The following EPHA3 variants were observed in gnomAD, a reference collection of about 807,000 sequenced individuals.
EPHA3 encodes the protein EPH receptor A3.
Under a neutral mutation model 107.1 loss-of-function variants are expected in EPHA3, and 42 were observed. That is an observed-to-expected ratio of 0.39 (90% CI 0.31 to 0.51). The LOEUF (loss-of-function observed/expected upper bound fraction) is 0.51, where lower values mean the gene tolerates loss of function less well. Ranked by LOEUF, EPHA3 falls within the 20% of genes least tolerant of loss-of-function variation. The probability of loss-of-function intolerance (pLI) is 0.78; values close to 1 mark genes in which losing one functional copy is unlikely to be tolerated. For synonymous variants in EPHA3, 461 were observed against 424.8 expected, an observed-to-expected ratio of 1.09 and a Z score of -1.05; for missense variants, 1,183 against 1,211.2, an observed-to-expected ratio of 0.98 and a Z score of 0.35.
chr3:89,472,117 G>C (rs533354169), intron 15 of EPHA3, among the ~76,000 whole-genome samples: 158 of 152,278 alleles, frequency 1.0e-3, no homozygotes, highest in Non-Finnish European at 2.0e-3. Flanking sequence ...AATTCAGTGT[G>C]TCCTGCCTAC....
Position 89,431,232 on chromosome 3 carries a change from T to A in EPHA3, c.2219T>A (p.Met740Lys). Residue 740 changes from methionine to lysine, a missense_variant, in exon 13 of 17, where the codon ATG (methionine) becomes AAG (lysine). Coordinates refer to ENST00000336596, the MANE Select transcript of EPHA3 (RefSeq NM_005233.6). ...TCTGGCATGAAGTACCTGTCAGACA[T>A]GGGCTATGTTCACCGAGACCTCGCT... ...IASGMKYLSD[M>K]GYVHRDLAAR... The A allele has an allele frequency of 6.2e-7, 1 of 1,613,946 alleles. No homozygotes were observed. Among genetic ancestry groups the A allele is most frequent in the Non-Finnish European group, 8.5e-7 (1 of 1,179,956 alleles).
At chr3:89,307,689 C>G (rs1463339291) in intron 3 of EPHA3, among the ~76,000 whole-genome samples, 9 of 152,056 alleles carry the variant, frequency 5.9e-5, no homozygotes, top group Admixed American at 3.9e-4. Context: ...GTAGCTGGGA[C>G]AGCAGGCATG....
Position 89,176,116 on chromosome 3 carries a change from C to T in EPHA3, c.154-33744C>T, listed in dbSNP as rs537834066. Among the ~76,000 whole-genome samples, 63 of 152,042 alleles carry T rather than the reference C, an allele frequency of 4.1e-4. 2 individuals are homozygous for T. The South Asian group carries it at 8.7e-3, about 21-fold the overall frequency. On this transcript the variant is annotated intron_variant, in intron 2 of 16. Coordinates refer to ENST00000336596, the MANE Select transcript of EPHA3 (RefSeq NM_005233.6). ...TTGTGATACACATCTCAATATATTC[C>T]AATTTGGAGATATTAGTATATGCCA...
intron 3 of EPHA3, among the ~76,000 whole-genome samples, chr3:89,271,109 T>C (rs1705657616): frequency 6.6e-6 from 1 of 152,088 alleles, no homozygotes; most frequent in South Asian, 2.1e-4. Context: ...TCCTTATTAA[T>C]ATTGTTATAT....
chr3:89,309,768 G>T (rs1706720628), intron 3 of EPHA3, among the ~76,000 whole-genome samples: 2 of 151,706 alleles, frequency 1.3e-5, no homozygotes, highest in South Asian at 4.1e-4. Context: ...AAACATTCAA[G>T]AAAAAAATGT....
chr3:89,157,760 C>A (rs1704838818), intron 2 of EPHA3, among the ~76,000 whole-genome samples: 1 of 150,756 alleles, frequency 6.6e-6, no homozygotes, highest in Non-Finnish European at 1.5e-5. Context: ...GGGGATGCAG[C>A]AGTAAGTAAA....
intron 3 of EPHA3, among the ~76,000 whole-genome samples, chr3:89,276,569 T>TA (rs1559629065): frequency 6.6e-6 from 1 of 152,218 alleles, no homozygotes; most frequent in East Asian, 1.9e-4. Context: ...GCATATATAT[T>TA]AAAAAACACA....
At chr3:89,459,529 C>T (rs1323422742) in intron 15 of EPHA3, among the ~76,000 whole-genome samples, 1 of 150,076 alleles carries the variant, frequency 6.7e-6, no homozygotes, top group Non-Finnish European at 1.5e-5. Flanking sequence ...TTCCTTCGTT[C>T]CTTCCTTTCT....
chr3:89,248,226 G>C (rs1339049237), intron 3 of EPHA3, among the ~76,000 whole-genome samples: 1 of 152,078 alleles, frequency 6.6e-6, no homozygotes, highest in African/African-American at 2.4e-5. Context: ...TGAAAATGTT[G>C]TTCCTGGAGT....
At chr3:89,408,456 T>C (rs1420070197) in intron 9 of EPHA3, among the ~76,000 whole-genome samples, 2 of 152,086 alleles carry the variant, frequency 1.3e-5, no homozygotes, top group East Asian at 3.9e-4. Context: ...TCCTTATTAC[T>C]AGTCCTTTGC....
chr3:89,450,032 G>A, intron 14 of EPHA3, 145 bp from the exon 15 acceptor site: 1 of 565,320 alleles, frequency 1.8e-6, no homozygotes, highest in Non-Finnish European at 3.1e-6. Context: ...TTGATCAGTT[G>A]TTATCCTTTT....
chr3:89,112,759 T>C (rs1337091297), intron 1 of EPHA3, among the ~76,000 whole-genome samples: 2 of 151,684 alleles, frequency 1.3e-5, no homozygotes, highest in African/African-American at 4.8e-5. Context: ...AGACATTTAC[T>C]AAAAAAAATC....
intron 11 of EPHA3, among the ~76,000 whole-genome samples, chr3:89,428,594 C>G (rs572997481): frequency 9.2e-5 from 14 of 152,088 alleles, no homozygotes; most frequent in African/African-American, 3.1e-4. Context: ...TTTTGTAGAA[C>G]TCGTGTAGAA....
In EPHA3 at chr3:89,107,765, C is replaced by A. The variant is rs764355602; in HGVS notation, c.17C>A (p.Ser6Tyr). Residue 6 changes from serine to tyrosine, a missense_variant, in exon 1 of 17, where the codon TCC becomes TAC. Transcript: ENST00000336596. MDCQL[S>Y]ILLLLSCSVL... ...ACCAGCAACATGGATTGTCAGCTCT[C>A]CATCCTCCTCCTTCTCAGCTGCTCT... 3 of 1,614,064 alleles carry A rather than the reference C, an allele frequency of 1.9e-6. No homozygotes were observed. In the East Asian group the frequency reaches 6.7e-5, roughly 36 times the overall value.
At chr3:89,383,044 G>A (rs1374581048) in intron 5 of EPHA3, among the ~76,000 whole-genome samples, 2 of 152,074 alleles carry the variant, frequency 1.3e-5, no homozygotes, top group African/African-American at 2.4e-5. Context: ...TTAATATTGA[G>A]TAAAACATAC....
At chr3:89,357,106 CAAAAAAAAAAAAAAAAA>C in intron 5 of EPHA3, among the ~76,000 whole-genome samples, 1 of 15,998 alleles carries the variant, frequency 6.3e-5, no homozygotes, top group East Asian at 2.5e-3. Flanking sequence ...GACCCTGTCT[CAAAAAAAAAAAAAAAAA>C]AAAAAAAAAA....
In EPHA3 at chr3:89,479,517, G is replaced by C; in HGVS notation, c.*15G>C. 6.2e-7 allele frequency: 1 copy of C among 1,604,608 alleles called. No homozygotes were observed. The highest frequency in any genetic ancestry group is 1.1e-5 in the South Asian group (1 of 90,830). Reference sequence around the variant, plus strand: ...TTCCCGTGTAAAGCACGGGACGGAAGTGCTTCTGGACGGAAGTGGTGGCTG... The same window carrying C: ...TTCCCGTGTAAAGCACGGGACGGAACTGCTTCTGGACGGAAGTGGTGGCTG... On this transcript the variant is annotated 3_prime_UTR_variant, in exon 17 of 17. Transcript: ENST00000336596.
At chr3:89,347,967 A>T (rs1364455382) in intron 5 of EPHA3, among the ~76,000 whole-genome samples, 1 of 151,058 alleles carries the variant, frequency 6.6e-6, no homozygotes, top group Non-Finnish European at 1.5e-5. Context: ...GATGAAGCCC[A>T]CTTGATCATG....
intron 2 of EPHA3, among the ~76,000 whole-genome samples, chr3:89,164,313 G>A (rs991472316): frequency 1.3e-5 from 2 of 152,206 alleles, no homozygotes; most frequent in Admixed American, 1.3e-4. Context: ...AAAATGTACG[G>A]ATTTGTGTTG....
Sources: allele counts gnomAD v4.1 joint callset (sites outside exome capture counted in the v4.1 genomes callset), GRCh38; gene constraint gnomAD v4.1.1; transcripts MANE v1.5; gene names NCBI Gene and HGNC (gene_info 2026-07-23, HGNC 2026-07-21).